CACNG6: variants seen among roughly 807,000 people sequenced by gnomAD.
The protein encoded by CACNG6 is voltage-dependent calcium channel gamma-6 subunit.
CACNG6 carries 21 observed loss-of-function variants against 23.9 expected under a neutral mutation model. The observed-to-expected ratio is 0.88, with a 90% CI of 0.62 to 1.26. The LOEUF is 1.26. CACNG6 is among the 50% of genes most tolerant of loss of function. The pLI is 0.00. For synonymous variants in CACNG6, 182 were observed against 168.9 expected, an observed-to-expected ratio of 1.08 and a Z score of -0.60; for missense variants, 340 against 352.9, an observed-to-expected ratio of 0.96 and a Z score of 0.29.
intron 3 of CACNG6, among the ~76,000 whole-genome samples, chr19:54,007,861 C>T (rs976519957): frequency 2.0e-5 from 3 of 151,452 alleles, no homozygotes; most frequent in Admixed American, 2.0e-4. Flanking sequence ...GATCGCGCCA[C>T]TGCACTCCAG....
chr19:54,008,301 T>C (rs414784), intron 3 of CACNG6, among the ~76,000 whole-genome samples: 92,174 of 151,952 alleles, frequency 0.61, 28,994 homozygotes, highest in East Asian at 0.87. Context: ...TGCAGTGAGC[T>C]GAGATTGCAC....
At chr19:54,005,250 T>TAAATAAATAAATAAATA (rs368321136) in intron 3 of CACNG6, among the ~76,000 whole-genome samples, 1 of 93,996 alleles carries the variant, frequency 1.1e-5, no homozygotes, top group Non-Finnish European at 2.0e-5. Flanking sequence ...AATAAATAAA[T>TAAATAAATAAATAAATA]AATAATAAAA....
intron 3 of CACNG6, among the ~76,000 whole-genome samples, chr19:54,010,036 C>CTTTTTTTTTTTTTTTTTTTT (rs199976621): frequency 1.0e-5 from 1 of 97,920 alleles, no homozygotes; most frequent in Non-Finnish European, 2.0e-5. Context: ...TATTTCTTTT[C>CTTTTTTTTTTTTTTTTTTTT]TTTCTTTTTT....
Position 54,012,096 on chromosome 19 carries a change from C to T in CACNG6, c.690C>T (p.Ile230=), listed in dbSNP as rs373753169. ...SLGCGVGAGL[I]LLLGAGCFLL... ...GCTGCGGCGTGGGGGCCGGCCTGATCCTGCTGTTGGGGGCCGGCTGCTTTC... is the reference window on the plus strand; with the variant it reads ...GCTGCGGCGTGGGGGCCGGCCTGATTCTGCTGTTGGGGGCCGGCTGCTTTC... Residue 230 remains isoleucine (I), a synonymous_variant, in exon 4 of 4, where the codon ATC becomes ATT. Transcript: ENST00000252729. The T allele has an allele frequency of 5.1e-5, 81 of 1,578,620 alleles. No individual in the cohort carries two copies. The African/African-American group carries it at 1.1e-3, about 20-fold the overall frequency.
At chr19:53,996,407 T>C (rs1490960364) in intron 1 of CACNG6, among the ~76,000 whole-genome samples, 2 of 151,860 alleles carry the variant, frequency 1.3e-5, no homozygotes, top group Admixed American at 1.3e-4. Flanking sequence ...CTCTTTTTTT[T>C]TTTGAGATGT....
At chr19:54,005,047 T>C (rs2145963125) in intron 3 of CACNG6, among the ~76,000 whole-genome samples, 2 of 148,942 alleles carry the variant, frequency 1.3e-5, no homozygotes, top group Middle Eastern at 7.2e-3. Context: ...CTGACTCTAC[T>C]AAAATACAAA....
At chr19:54,005,709 C>T (rs1027872828) in intron 3 of CACNG6, among the ~76,000 whole-genome samples, 6 of 141,184 alleles carry the variant, frequency 4.2e-5, no homozygotes, top group African/African-American at 1.3e-4. Context: ...GCCAAGATCG[C>T]GCCACTGCAC....
At position 53,996,300 on chromosome 19, in the gene CACNG6, C is replaced by G. The variant is rs570917230; in HGVS notation, c.332-1939C>G. Among the ~76,000 whole-genome samples, 28 of 152,194 alleles carry G rather than the reference C, an allele frequency of 1.8e-4. No individual in the cohort carries two copies. In the South Asian group the frequency reaches 5.6e-3, roughly 30 times the overall value. On this transcript the variant is annotated intron_variant, in intron 1 of 3. Transcript: ENST00000252729. ...TGAGGGAATTTCTGGGTCTAAAATG[C>G]ACTTCAGAAAGTGCTCCCCTCCCTT...
chr19:53,993,233 AG>A (rs2069484938), intron 1 of CACNG6, 25 bp downstream of exon 1: 11 of 1,523,146 alleles, frequency 7.2e-6, no homozygotes, highest in African/African-American at 1.4e-5. Flanking sequence ...CCCCGAGCGC[AG>A]GGCTTGCGTC....
At chr19:54,001,927 T>A (rs1257241326) in intron 3 of CACNG6, among the ~76,000 whole-genome samples, 2 of 152,216 alleles carry the variant, frequency 1.3e-5, no homozygotes, top group African/African-American at 4.8e-5. Flanking sequence ...ATCTCTGAGC[T>A]TAAATCTCCT....
At chr19:54,004,335 TTG>T (rs4022332) in intron 3 of CACNG6, among the ~76,000 whole-genome samples, 8,141 of 106,906 alleles carry the variant, frequency 0.076, 379 homozygotes, top group Non-Finnish European at 0.097. Flanking sequence ...TTTTGTATTT[TTG>T]TGTGTGTGTG....
intron 3 of CACNG6, among the ~76,000 whole-genome samples, chr19:54,005,730 G>T (rs2069636480): frequency 6.6e-6 from 1 of 151,120 alleles, no homozygotes; most frequent in Admixed American, 6.6e-5. Context: ...TCCAGCCTGG[G>T]CAACAGAGTG....
intron 3 of CACNG6, among the ~76,000 whole-genome samples, chr19:54,002,814 A>G (rs2069594592): frequency 1.3e-5 from 2 of 152,202 alleles, no homozygotes; most frequent in African/African-American, 4.8e-5. Context: ...ATTGCGTGTC[A>G]GGGACTGGGG....
At chr19:54,006,439 CT>C in intron 3 of CACNG6, among the ~76,000 whole-genome samples, 1 of 151,356 alleles carries the variant, frequency 6.6e-6, no homozygotes, top group African/African-American at 2.4e-5. Context: ...CTCTTCTTGT[CT>C]TGTAAATGGC....
At chr19:53,997,973 G>C (rs1449161166) in intron 1 of CACNG6, among the ~76,000 whole-genome samples, 1 of 152,196 alleles carries the variant, frequency 6.6e-6, no homozygotes, top group Non-Finnish European at 1.5e-5. Flanking sequence ...TCGTTTTAAA[G>C]AGGAGGAACT....
Position 54,012,300 on chromosome 19 carries a change from G to C in CACNG6, c.*111G>C. ...AGAGAAACTGTGTTCTCCCTGCTCG[G>C]GGGCCCATGTTTTTTTACACGCCTG... On this transcript the variant is annotated 3_prime_UTR_variant, in exon 4 of 4. Coordinates refer to ENST00000252729, the MANE Select transcript of CACNG6 (RefSeq NM_145814.2). 2.0e-6 allele frequency: 1 copy of C among 504,886 alleles called. No individual in the cohort carries two copies. The highest frequency in any genetic ancestry group is 3.4e-6 in the Non-Finnish European group (1 of 291,614). The allele number at this position is 504,886 out of a possible 1,614,324, so 31.3% of individuals were successfully genotyped here.
At position 54,012,514 on chromosome 19, in the gene CACNG6, T is replaced by A. The variant is rs1198344799; in HGVS notation, c.*325T>A. On this transcript the variant is annotated 3_prime_UTR_variant, in exon 4 of 4. Transcript: ENST00000252729. ...GAGGTCAGGGGGTCTTGGGTGGGAG[T>A]TGGGGGCCCCTTCATTTCCCAGGTC... 1 of 231,164 alleles carries A rather than the reference T, an allele frequency of 4.3e-6. No individual in the cohort carries two copies. Among genetic ancestry groups the A allele is most frequent in the East Asian group, 8.4e-5 (1 of 11,922 alleles). The allele number at this position is 231,164 out of a possible 1,614,324, so 14.3% of individuals were successfully genotyped here.
chr19:54,011,994 G>C lies in CACNG6; in HGVS notation c.588G>C (p.Val196=). ...LVSLEVFRHS[V]RALLQRVSPE... is the part of the protein sequence containing the mutation. ...GCCTGGAGGTGTTCCGGCATTCCGT[G>C]AGGGCCCTGCTGCAGAGAGTCAGCC... Residue 196 remains valine, a synonymous_variant, in exon 4 of 4, where the codon GTG becomes GTC. Transcript: ENST00000252729. 2 of 1,593,928 alleles carry C rather than the reference G, an allele frequency of 1.3e-6. No homozygotes were observed. The highest frequency in any genetic ancestry group is 2.2e-5 in the South Asian group (2 of 88,894).
chr19:53,992,851 C>T lies in CACNG6; in HGVS notation c.-27C>T. Reference sequence around the variant, plus strand: ...GGCCCTTCGCCGGCTCTGCCTCCTCCCCCTTCCCGACCCCACCGGCCATAA... The same window carrying T: ...GGCCCTTCGCCGGCTCTGCCTCCTCTCCCTTCCCGACCCCACCGGCCATAA... On this transcript the variant is annotated 5_prime_UTR_variant, in exon 1 of 4. Transcript: ENST00000252729. The surrounding 1 kb of genome is among the most constrained non-coding windows in gnomAD (Gnocchi z 4.1). 1 of 1,364,326 alleles carries T rather than the reference C, an allele frequency of 7.3e-7. No homozygotes were observed. Among genetic ancestry groups the T allele is most frequent in the Non-Finnish European group, 9.5e-7 (1 of 1,053,536 alleles). 84.5% of individuals were successfully genotyped at this position (1,364,326 alleles called of 1,614,324 possible).
Sources: gnomAD v4.1 joint callset for allele counts (sites outside exome capture counted in the v4.1 genomes callset) on GRCh38, gnomAD v4.1.1 for gene constraint, Gnocchi (gnomAD v3.1) non-coding constraint, MANE v1.5 for transcripts, NCBI Gene and HGNC (gene_info 2026-07-23, HGNC 2026-07-21) for gene names.